Variants in SHF observed in about 807,000 individuals in gnomAD.
SHF encodes Src homology 2 domain containing F.
Under a neutral mutation model 42.4 loss-of-function variants are expected in SHF, and 30 were observed. That is an observed-to-expected ratio of 0.71 (90% confidence interval 0.53 to 0.96). The LOEUF (loss-of-function observed/expected upper bound fraction) is 0.96, where lower values mean the gene tolerates loss of function less well. Among genes scored for constraint, SHF ranks in the 40% least tolerant of loss-of-function variants. The pLI is 0.00. For missense variants in SHF, 598 were observed against 634.0 expected, an observed-to-expected ratio of 0.94 and a Z score of 0.61; for synonymous variants, 264 against 269.9, an observed-to-expected ratio of 0.98 and a Z score of 0.21.
rs934894905 is a variant in SHF, at chr15:45,187,772, C to A, written c.180G>T (p.Gly60=). ...WLREHLGFRG[G]GGGGGGSKPA... is the part of the protein sequence containing the mutation. ...GCTTGCTGCCCCCTCCGCCGCCGCC[C>A]CCCCCGCGGAAGCCCAGGTGCTCCC... Residue 60 remains glycine (G), a synonymous_variant, in exon 1 of 7, where the codon GGG becomes GGT. Coordinates refer to ENST00000690270, the MANE Select transcript of SHF (RefSeq NM_001394037.1). The A allele has an allele frequency of 2.2e-5, 20 of 903,564 alleles. No homozygotes were observed. The highest frequency in any genetic ancestry group is 4.5e-5 in the Admixed American group (1 of 22,104). 56.0% of individuals were successfully genotyped at this position (903,564 alleles called of 1,614,324 possible). A position where few individuals can be genotyped will look rare whatever the true frequency, so the allele number is the denominator to read the frequency against.
rs1184529457 is a variant in SHF at position 45,187,767 on chromosome 15, CCG to C, written c.183_184del (p.Gly62ArgfsTer92). On this transcript the variant is annotated frameshift_variant, in exon 1 of 7. Transcript: ENST00000690270. LOFTEE classifies it high-confidence loss of function. ...CGCCGGCTTGCTGCCCCCTCCGCCGCCGCCCCCCCCGCGGAAGCCCAGGTGCT... is the reference window on the plus strand; with the variant it reads ...CGCCGGCTTGCTGCCCCCTCCGCCGCCCCCCCCCGCGGAAGCCCAGGTGCT... 11 of 912,590 alleles carry C rather than the reference CCG, an allele frequency of 1.2e-5. No individual in the cohort carries two copies. The highest frequency in any genetic ancestry group is 1.6e-5 in the Non-Finnish European group (11 of 705,564). 56.5% of individuals were successfully genotyped at this position (912,590 alleles called of 1,614,324 possible).
At chr15:45,181,341 G>GTC in intron 1 of SHF, 1 of 152,564 alleles carries the variant, frequency 6.6e-6, no homozygotes, top group East Asian at 1.9e-4. Flanking sequence ...CAGCAGCAGA[G>GTC]ATGCCAGTTG....
At chr15:45,174,859 T>C (rs1194769289) in intron 3 of SHF, among the ~76,000 whole-genome samples, 1 of 152,226 alleles carries the variant, frequency 6.6e-6, no homozygotes, top group Non-Finnish European at 1.5e-5. Flanking sequence ...AGTAAGTGCC[T>C]TCTTTTGTTA....
intron 1 of SHF, among the ~76,000 whole-genome samples, chr15:45,184,363 T>C (rs1898277801): frequency 1.3e-5 from 2 of 152,238 alleles, no homozygotes; most frequent in Admixed American, 1.3e-4. Flanking sequence ...ATCTATTTTT[T>C]AAAGTTCTTA....
chr15:45,178,660 G>C (rs1429863998), intron 1 of SHF, among the ~76,000 whole-genome samples: 1 of 150,170 alleles, frequency 6.7e-6, no homozygotes, highest in Non-Finnish European at 1.5e-5. Context: ...TCAGCCTCCC[G>C]AGTAGCTGGG....
chr15:45,187,502 C>A lies in SHF; in HGVS notation c.450G>T (p.Ala150=). The change falls in exon 1 of 7, where the codon GCG becomes GCT. Residue 150 remains alanine, a synonymous_variant. Coordinates refer to ENST00000690270, the MANE Select transcript of SHF (RefSeq NM_001394037.1). ...LIRVETPGPP[A]PPADERISGP... ...CGGAGATCCGCTCATCAGCAGGCGG[C>A]GCCGGGGGCCCCGGGGTCTCGACCC... is the stretch of plus-strand genomic sequence containing the variant. 8.1e-7 allele frequency: 1 copy of A among 1,232,454 alleles called. No individual in the cohort carries two copies. The highest frequency in any genetic ancestry group is 1.0e-6 in the Non-Finnish European group (1 of 988,082). The allele number at this position is 1,232,454 out of a possible 1,614,324, so 76.3% of individuals were successfully genotyped here. A position where few individuals can be genotyped will look rare whatever the true frequency, so the allele number is the denominator to read the frequency against.
In SHF at chr15:45,168,058, C is replaced by A; in HGVS notation, c.1356G>T (p.Pro452=). Reference sequence around the variant, plus strand: ...CAATTTCAGGGACGCTGCTGAAGGGCGGGCTGTTCTGGCCCAGCACATATT... The same window carrying A: ...CAATTTCAGGGACGCTGCTGAAGGGAGGGCTGTTCTGGCCCAGCACATATT... ...EHKYVLGQNS[P]PFSSVPEIVH... is the part of the protein sequence containing the mutation. Residue 452 remains proline, a synonymous_variant, in exon 7 of 7, where the codon CCG becomes CCT. Transcript: ENST00000690270. 1 of 1,613,470 alleles carries A rather than the reference C, an allele frequency of 6.2e-7. No individual in the cohort carries two copies. The highest frequency in any genetic ancestry group is 1.1e-5 in the South Asian group (1 of 90,910).
chr15:45,171,427 C>A (rs114517456), intron 6 of SHF: 152 of 171,112 alleles, frequency 8.9e-4, no homozygotes, highest in African/African-American at 2.8e-3. Context: ...CCAGCCCCCC[C>A]CAACACCCTA....
In SHF at chr15:45,187,458, T is replaced by A; in HGVS notation, c.494A>T (p.Asp165Val). The change falls in exon 1 of 7, where the codon GAT becomes GTT. Residue 165 changes from aspartate (D) to valine (V), a missense_variant. By Grantham distance (152) the Asp-to-Val change is radical. This residue lies in a region of SHF where 439 missense variants were observed against 524.6 expected (regional missense o/e 0.84). Coordinates refer to ENST00000690270, the MANE Select transcript of SHF (RefSeq NM_001394037.1). Reference sequence around the variant, plus strand: ...CCGGCCCGGCGCGGCACTCACCCTATCGCTGCTGGCGGGGGGTCCGGAGAT... The same window carrying A: ...CCGGCCCGGCGCGGCACTCACCCTAACGCTGCTGGCGGGGGGTCCGGAGAT... ...ERISGPPASS[D>V]RLAILEDYAD... 8.1e-7 allele frequency: 1 copy of A among 1,232,446 alleles called. No individual in the cohort carries two copies. Among genetic ancestry groups the A allele is most frequent in the Non-Finnish European group, 1.0e-6 (1 of 988,150 alleles). 76.3% of individuals were successfully genotyped at this position (1,232,446 alleles called of 1,614,324 possible). A position where few individuals can be genotyped will look rare whatever the true frequency, so the allele number is the denominator to read the frequency against.
At position 45,187,465 on chromosome 15, in the gene SHF, T is replaced by A. The variant is rs889272528; in HGVS notation, c.487A>T (p.Ser163Cys). 1 of 1,232,304 alleles carries A rather than the reference T, an allele frequency of 8.1e-7. No individual in the cohort carries two copies. Among genetic ancestry groups the A allele is most frequent in the Non-Finnish European group, 1.0e-6 (1 of 988,060 alleles). The allele number at this position is 1,232,304 out of a possible 1,614,324, so 76.3% of individuals were successfully genotyped here. ...ADERISGPPASSDRLAILEDY... is the reference protein window; with the variant it reads ...ADERISGPPACSDRLAILEDY... ...GGCGCGGCACTCACCCTATCGCTGCTGGCGGGGGGTCCGGAGATCCGCTCA... is the reference window on the plus strand; with the variant it reads ...GGCGCGGCACTCACCCTATCGCTGCAGGCGGGGGGTCCGGAGATCCGCTCA... Residue 163 changes from serine to cysteine, a missense_variant, in exon 1 of 7, where the codon AGC becomes TGC. Physicochemically the swap from Ser to Cys is moderately radical, Grantham distance 112. Around this residue, in one of 2 missense-constraint regions of SHF, gnomAD observed 439 missense variants for 524.6 expected, o/e 0.84. Coordinates refer to ENST00000690270, the MANE Select transcript of SHF (RefSeq NM_001394037.1).
intron 6 of SHF, chr15:45,171,551 T>C (rs1306405092): frequency 8.5e-6 from 3 of 354,800 alleles, no homozygotes; most frequent in African/African-American, 6.1e-5. Flanking sequence ...TGCTAAGCAC[T>C]TCCCATGCAT....
chr15:45,198,904 G>C, exon 2 of SHF: 45 of 1,613,780 alleles, frequency 2.8e-5, no homozygotes, highest in Non-Finnish European at 3.8e-5. Flanking sequence ...CCCGGTGAGC[G>C]CAGTGGGAGT....
At chr15:45,198,564 G>GA (rs551342716) in intron 2 of SHF, 12 of 543,488 alleles carry the variant, frequency 2.2e-5, no homozygotes, top group Admixed American at 3.6e-5. Context: ...CAAAAAAGGG[G>GA]AAAAAAATAC....
In SHF at chr15:45,173,560, G is replaced by GC. The variant is rs1567030320; in HGVS notation, c.988+15dup. Reference sequence around the variant, plus strand: ...TGAGGACATGTCACCCTGGCCAGAAGCCCCCCAGGACCCACCGCTGCTGTC... The same window carrying GC: ...TGAGGACATGTCACCCTGGCCAGAAGCCCCCCCAGGACCCACCGCTGCTGTC... On this transcript the variant is annotated intron_variant, in intron 4 of 6. Coordinates refer to ENST00000690270, the MANE Select transcript of SHF (RefSeq NM_001394037.1). 10 of 1,479,030 alleles carry GC rather than the reference G, an allele frequency of 6.8e-6. No individual in the cohort carries two copies. Among genetic ancestry groups the GC allele is most frequent in the Non-Finnish European group, 9.0e-6 (10 of 1,115,120 alleles). The allele number at this position is 1,479,030 out of a possible 1,614,324, so 91.6% of individuals were successfully genotyped here.
At chr15:45,187,998 C>CG (rs1898560868), upstream of SHF, 2 of 163,258 alleles carry the variant, frequency 1.2e-5, no homozygotes, top group Non-Finnish European at 8.5e-6. Context: ...GGGTGGGGGG[C>CG]GGGGGCGGGG....
chr15:45,193,849 A>G (rs572794752), intron 2 of SHF, among the ~76,000 whole-genome samples: 201 of 152,044 alleles, frequency 1.3e-3, no homozygotes, highest in Non-Finnish European at 2.4e-3. Context: ...GTGAAAGGTC[A>G]TTCCAAGTCA....
In SHF at chr15:45,175,443, G is replaced by T; in HGVS notation, c.641-18C>A. The T allele has an allele frequency of 6.4e-7, 1 of 1,560,778 alleles. No individual in the cohort carries two copies. The highest frequency in any genetic ancestry group is 1.2e-5 in the South Asian group (1 of 84,632). On this transcript the variant is annotated intron_variant, in intron 2 of 6. Transcript: ENST00000690270. Reference sequence around the variant, plus strand: ...CCGGATCTCTGCCGGAGCAGGGCAGGAAGGGAAAGGTGAGGGTTCAGCCTT... The same window carrying T: ...CCGGATCTCTGCCGGAGCAGGGCAGTAAGGGAAAGGTGAGGGTTCAGCCTT...
Position 45,171,858 on chromosome 15 carries a change from TG to T in SHF, c.1280+24del, listed in dbSNP as rs757406681. On this transcript the variant is annotated intron_variant, in intron 6 of 6. Transcript: ENST00000690270. ...CCCCTTCCACCCTGCTTGCTGTCCCTGAAACCACAACTGTCCCCACTCACTT... is the reference window on the plus strand; with the variant it reads ...CCCCTTCCACCCTGCTTGCTGTCCCTAAACCACAACTGTCCCCACTCACTT... 6.4e-5 allele frequency: 103 copies of T among 1,607,418 alleles called. No individual in the cohort carries two copies. The African/African-American group carries it at 1.2e-3, about 19-fold the overall frequency.
At chr15:45,177,992 C>G (rs143788665) in intron 2 of SHF, among the ~76,000 whole-genome samples, 173 bp downstream of exon 2, 1 of 152,326 alleles carries the variant, frequency 6.6e-6, no homozygotes, top group Non-Finnish European at 1.5e-5. Flanking sequence ...CAGGTCACAG[C>G]TGCTTCTCCA....
Sources: gnomAD v4.1 joint callset for allele counts (sites outside exome capture counted in the v4.1 genomes callset) on GRCh38, gnomAD v4.1.1 for gene constraint, gnomAD v4.1.1 regional missense constraint, MANE v1.5 for transcripts, NCBI Gene and HGNC (gene_info 2026-07-23, HGNC 2026-07-21) for gene names.